The following KIF21B variants were observed in gnomAD, a reference collection of about 807,000 sequenced individuals.
KIF21B encodes kinesin family member 21B, also known as kinesin-like protein KIF21B.
In KIF21B, 85 loss-of-function variants were observed where a neutral mutation model predicts 192.9. The ratio of observed to expected loss-of-function variants is 0.44; its 90% CI spans 0.37 to 0.53. The LOEUF (loss-of-function observed/expected upper bound fraction) is 0.53, where lower values mean the gene tolerates loss of function less well. Among genes scored for constraint, KIF21B ranks in the 20% least tolerant of loss-of-function variants. KIF21B has a pLI of 0.00. For missense variants in KIF21B, 1,716 were observed against 2,194.8 expected (o/e 0.78, Z 4.36); for synonymous variants, 832 against 884.6 (o/e 0.94, Z 1.05).
In KIF21B at chr1:200,999,215, C is replaced by T; in HGVS notation, c.1885+134G>A. The T allele has an allele frequency of 1.9e-6, 2 of 1,033,468 alleles. No homozygotes were observed. Among genetic ancestry groups the T allele is most frequent in the Non-Finnish European group, 3.0e-6 (2 of 667,092 alleles). The allele number at this position is 1,033,468 out of a possible 1,614,324, so 64.0% of individuals were successfully genotyped here. On this transcript the variant is annotated intron_variant, in intron 13 of 34. Transcript: ENST00000461742. This position sits in a 1 kb window ranked among gnomAD's most constrained non-coding sequence, Gnocchi z 4.7. ...TTGCCATCATTCTCATCATGACTGC[C>T]TGTTGTCATTGGTTTCACGTCTGGG...
At position 201,003,695 on chromosome 1, in the gene KIF21B, C is replaced by T. The variant is rs756847786; in HGVS notation, c.1103G>A (p.Arg368His). The T allele has an allele frequency of 5.0e-6, 8 of 1,614,080 alleles. No homozygotes were observed. Among genetic ancestry groups the T allele is most frequent in the Non-Finnish European group, 6.8e-6 (8 of 1,180,036 alleles). Residue 368 changes from arginine to histidine, a missense_variant, in exon 8 of 35, where the codon CGC (arginine) becomes CAC (histidine). Arg to His is a conservative substitution (Grantham distance 29). Transcript: ENST00000461742. ...CACTACCACCTTGTTCTTGATGTTG[C>T]GGGCCCGATTGGCATATTTGAGTGT... is the stretch of plus-strand genomic sequence containing the variant. ...LNTLKYANRA[R>H]NIKNKVVVNQ...
chr1:200,979,751 G>T, intron 29 of KIF21B, 36 bp from the exon 30 acceptor site: 3 of 1,479,770 alleles, frequency 2.0e-6, no homozygotes, highest in Non-Finnish European at 2.7e-6. Flanking sequence ...GGGAGGGGAG[G>T]GATGTCAGCC....
chr1:200,993,470 G>A (rs952410700), intron 15 of KIF21B, among the ~76,000 whole-genome samples: 5 of 152,158 alleles, frequency 3.3e-5, no homozygotes, highest in Non-Finnish European at 5.9e-5. Context: ...GGCCGAGCGC[G>A]GTGGCTCACA....
In KIF21B at chr1:200,998,300, A is replaced by G. The variant is rs1027068094; in HGVS notation, c.2077+84T>C. ...TGCCTAGAAGGCCAGGATAACCCCA[A>G]CACACCAGCTGCTTTTGACAGAGGA... On this transcript the variant is annotated intron_variant, in intron 14 of 34. Transcript: ENST00000461742. The surrounding 1 kb of genome is among the most constrained non-coding windows in gnomAD (Gnocchi z 4.3). The G allele has an allele frequency of 1.4e-5, 20 of 1,382,906 alleles. No individual in the cohort carries two copies. The highest frequency in any genetic ancestry group is 2.6e-4 in the Middle Eastern group (1 of 3,888). 85.7% of individuals were successfully genotyped at this position (1,382,906 alleles called of 1,614,324 possible).
intron 1 of KIF21B, among the ~76,000 whole-genome samples, chr1:201,013,188 C>A (rs1658330299): frequency 6.6e-6 from 1 of 152,174 alleles, no homozygotes; most frequent in Admixed American, 6.5e-5. Flanking sequence ...AGGTAGGAGA[C>A]AAGAGGGCTG....
At chr1:200,997,370 C>A (rs533345121) in intron 14 of KIF21B, among the ~76,000 whole-genome samples, 1 of 152,194 alleles carries the variant, frequency 6.6e-6, no homozygotes, top group Admixed American at 6.5e-5. Flanking sequence ...CTGGGACGCT[C>A]TTCCCCTGGT....
intron 15 of KIF21B, among the ~76,000 whole-genome samples, chr1:200,993,112 T>C (rs1383182147): frequency 2.0e-5 from 3 of 151,906 alleles, no homozygotes; most frequent in Non-Finnish European, 4.4e-5. Context: ...GACCCCAGAG[T>C]TGTTGGAAAT....
chr1:201,006,859 G>GAC lies in KIF21B; in HGVS notation c.448-1167_448-1166dup, dbSNP rs575791469. 2.5e-3 allele frequency among the ~76,000 whole-genome samples: 370 copies of GAC among 146,132 alleles called. 20 individuals carry two copies. In the South Asian group the frequency reaches 0.077, roughly 30 times the overall value. The stretch of plus-strand genomic sequence containing the variant: ...ACAGACACAGACACAGAGACACACA[G>GAC]ACACACACACACACAGACACAGAGA... On this transcript the variant is annotated intron_variant, in intron 3 of 34. Transcript: ENST00000461742.
At chr1:200,994,351 T>C (rs1656912832) in intron 15 of KIF21B, among the ~76,000 whole-genome samples, 1 of 152,228 alleles carries the variant, frequency 6.6e-6, no homozygotes, top group South Asian at 2.1e-4. Flanking sequence ...TGAACAGCCA[T>C]GGGAGGATTC....
At position 201,005,762 on chromosome 1, in the gene KIF21B, T is replaced by A; in HGVS notation, c.448-68A>T. On this transcript the variant is annotated intron_variant, in intron 3 of 34. Coordinates refer to ENST00000461742, the MANE Select transcript of KIF21B (RefSeq NM_001252102.2). Reference sequence around the variant, plus strand: ...GGGCCCCAGGTGGCTGCCACATGCCTATAAACCATATCTGTTTTACAGATG... The same window carrying A: ...GGGCCCCAGGTGGCTGCCACATGCCAATAAACCATATCTGTTTTACAGATG... 6 of 1,483,926 alleles carry A rather than the reference T, an allele frequency of 4.0e-6. No homozygotes were observed. In the South Asian group the frequency reaches 5.9e-5, roughly 15 times the overall value. 91.9% of individuals were successfully genotyped at this position (1,483,926 alleles called of 1,614,324 possible).
rs1437308830 is a variant in KIF21B at position 200,998,327 on chromosome 1, G to A, written c.2077+57C>T. The A allele has an allele frequency of 2.6e-6, 4 of 1,512,054 alleles. No homozygotes were observed. The highest frequency in any genetic ancestry group is 3.5e-5 in the Admixed American group (2 of 56,916). 93.7% of individuals were successfully genotyped at this position (1,512,054 alleles called of 1,614,324 possible). On this transcript the variant is annotated intron_variant, in intron 14 of 34. Transcript: ENST00000461742. This position sits in a 1 kb window ranked among gnomAD's most constrained non-coding sequence, Gnocchi z 4.3. Reference sequence around the variant, plus strand: ...ACACCAGCTGCTTTTGACAGAGGAGGGGCTCAGGGAAAAGGGAGGGTCCGG... The same window carrying A: ...ACACCAGCTGCTTTTGACAGAGGAGAGGCTCAGGGAAAAGGGAGGGTCCGG...
intron 21 of KIF21B, among the ~76,000 whole-genome samples, chr1:200,989,659 C>T (rs900359039): frequency 6.6e-6 from 1 of 152,264 alleles, no homozygotes; most frequent in Non-Finnish European, 1.5e-5. Flanking sequence ...TTGGGCCAGA[C>T]ACCCAGAGTC....
At chr1:200,996,112 A>G in intron 15 of KIF21B, 84 bp downstream of exon 15, 2 of 1,323,072 alleles carry the variant, frequency 1.5e-6, no homozygotes, top group Non-Finnish European at 2.2e-6. Flanking sequence ...CTTGACAGCA[A>G]TGATTATTTT....
At position 201,008,782 on chromosome 1, in the gene KIF21B, G is replaced by A. The variant is rs896277805; in HGVS notation, c.434C>T (p.Ala145Val). The A allele has an allele frequency of 6.3e-6, 10 of 1,599,862 alleles. No homozygotes were observed. Among genetic ancestry groups the A allele is most frequent in the Non-Finnish European group, 8.5e-6 (10 of 1,178,610 alleles). ...GGGCCACAGTACCTCCAGAAACTGG[G>A]CGCTGACTTTGAACTCAGGTCCAGC... ...GVAGPEFKVS[A>V]QFLELYNEEI... Residue 145 changes from alanine to valine, a missense_variant, in exon 3 of 35, where the codon GCC (alanine) becomes GTC (valine). Ala to Val is a moderately conservative substitution (Grantham distance 64). Coordinates refer to ENST00000461742, the MANE Select transcript of KIF21B (RefSeq NM_001252102.2).
chr1:200,983,333 G>A (rs1272603712), intron 27 of KIF21B, among the ~76,000 whole-genome samples: 1 of 152,104 alleles, frequency 6.6e-6, no homozygotes, highest in African/African-American at 2.4e-5. Context: ...GGCAAGGGAG[G>A]AGCGAGGAGG....
chr1:200,975,344 A>C lies in KIF21B; in HGVS notation c.4614+155T>G, dbSNP rs774351712. 1.4e-4 allele frequency among the ~76,000 whole-genome samples: 22 copies of C among 152,102 alleles called. No homozygotes were observed. Among genetic ancestry groups the C allele is most frequent in the Non-Finnish European group, 2.6e-4 (18 of 68,014 alleles). ...GTAGGGAAGAAGGGAGGATGGAGAC[A>C]GAGGAGGAAGAGGGAGAACAGGAGG... On this transcript the variant is annotated intron_variant, in intron 33 of 34. Transcript: ENST00000461742. This position sits in a 1 kb window ranked among gnomAD's most constrained non-coding sequence, Gnocchi z 4.3.
At chr1:200,977,095 G>T in intron 31 of KIF21B, 117 bp downstream of exon 31, 1 of 1,221,050 alleles carries the variant, frequency 8.2e-7, no homozygotes. Context: ...GCAGCATGGG[G>T]GGAATAAAGG....
intron 1 of KIF21B, among the ~76,000 whole-genome samples, chr1:201,022,939 C>G (rs1488899061): frequency 6.6e-6 from 1 of 152,222 alleles, no homozygotes; most frequent in Non-Finnish European, 1.5e-5. Context: ...ACATAACTAG[C>G]TGACTCGCAT....
At chr1:200,978,730 A>C (rs1035443252) in intron 30 of KIF21B, among the ~76,000 whole-genome samples, 2 of 152,244 alleles carry the variant, frequency 1.3e-5, no homozygotes, top group Non-Finnish European at 2.9e-5. Context: ...TCTGTCACCC[A>C]GATTGGAGTG....
Sources: allele counts gnomAD v4.1 joint callset (sites outside exome capture counted in the v4.1 genomes callset), GRCh38; gene constraint gnomAD v4.1.1; non-coding constraint Gnocchi (gnomAD v3.1); transcripts MANE v1.5; gene names NCBI Gene and HGNC (gene_info 2026-07-23, HGNC 2026-07-21).